The following PFKL variants were observed in gnomAD, a reference collection of about 807,000 sequenced individuals.
The protein encoded by PFKL is ATP-dependent 6-phosphofructokinase, liver type.
Under a neutral mutation model 92.1 loss-of-function variants are expected in PFKL, and 74 were observed. The observed-to-expected ratio is 0.80, with a 90% CI of 0.67 to 0.97. PFKL has a LOEUF of 0.97. Ranked by LOEUF, PFKL falls within the 50% of genes least tolerant of loss-of-function variation. PFKL has a pLI of 0.00. For synonymous variants in PFKL, 494 were observed against 456.4 expected (o/e 1.08, Z -1.05); for missense variants, 1,028 against 1,116.6 (o/e 0.92, Z 1.13).
At chr21:44,309,632 C>T (rs1158775329) in intron 2 of PFKL, among the ~76,000 whole-genome samples, 1 of 152,134 alleles carries the variant, frequency 6.6e-6, no homozygotes, top group Non-Finnish European at 1.5e-5. Flanking sequence ...GGCGCCTGGG[C>T]TCTGTATTGG....
At chr21:44,314,301 T>A in intron 7 of PFKL, 1 of 431,086 alleles carries the variant, frequency 2.3e-6, no homozygotes, top group Non-Finnish European at 4.2e-6. Context: ...GGGAGCTTGG[T>A]GAGGCTGCTT....
intron 1 of PFKL, chr21:44,305,873 G>C (rs1231865936): frequency 7.3e-7 from 1 of 1,365,912 alleles, no homozygotes; most frequent in East Asian, 4.6e-5. Flanking sequence ...CGAGGGCAAG[G>C]GGACAGGAAA....
intron 14 of PFKL, 66 bp downstream of exon 14, chr21:44,322,269 T>C (rs938789204): frequency 1.6e-5 from 23 of 1,473,274 alleles, no homozygotes; most frequent in Non-Finnish European, 2.0e-5. Context: ...GCCCTGCAGG[T>C]GGGGGCGGCA....
At chr21:44,325,917 G>A (rs1361323951) in intron 19 of PFKL, 44 bp from the exon 20 acceptor site, 2 of 1,499,366 alleles carry the variant, frequency 1.3e-6, no homozygotes. Context: ...CTTGGCCCAG[G>A]CAGCCCAGGG....
intron 1 of PFKL, chr21:44,305,776 TC>T: frequency 7.3e-7 from 1 of 1,365,574 alleles, no homozygotes; most frequent in Non-Finnish European, 9.8e-7. Flanking sequence ...GAGTGCCGCC[TC>T]CCCCGTTAAT....
chr21:44,317,237 G>A lies in PFKL; in HGVS notation c.936+713G>A, dbSNP rs533027468. ...CAGGGCCAGAGACTGTCAGACAGGTGGGACTTGTGCTGAGGGAGACCAGGT... is the reference window on the plus strand; with the variant it reads ...CAGGGCCAGAGACTGTCAGACAGGTAGGACTTGTGCTGAGGGAGACCAGGT... On this transcript the variant is annotated intron_variant, in intron 9 of 21. Coordinates refer to ENST00000349048, the MANE Select transcript of PFKL (RefSeq NM_002626.6). Among the ~76,000 whole-genome samples, 7 of 152,340 alleles carry A rather than the reference G, an allele frequency of 4.6e-5. No individual in the cohort carries two copies. In the East Asian group the frequency reaches 1.3e-3, roughly 29 times the overall value.
At chr21:44,316,666 G>A (rs2047216188) in intron 9 of PFKL, 142 bp downstream of exon 9, 2 of 653,666 alleles carry the variant, frequency 3.1e-6, no homozygotes, top group East Asian at 2.8e-5. Context: ...GTGTGTGGGG[G>A]TGTATGTGTG....
Position 44,312,197 on chromosome 21 carries a change from C to G in PFKL, c.330C>G (p.Ile110Met). Residue 110 changes from isoleucine (I) to methionine (M), a missense_variant, in exon 4 of 22, where the codon ATC (isoleucine) becomes ATG (methionine). Physicochemically the swap from Ile to Met is conservative, Grantham distance 10. Transcript: ENST00000349048. ...CCTACAACCTGGTCCAGCACGGCAT[C>G]ACCAACCTGTGCGTCATCGGCGGGG... ...AAAYNLVQHG[I>M]TNLCVIGGDG... 1 of 1,606,910 alleles carries G rather than the reference C, an allele frequency of 6.2e-7. No individual in the cohort carries two copies. Among genetic ancestry groups the G allele is most frequent in the Non-Finnish European group, 8.5e-7 (1 of 1,177,264 alleles).
At chr21:44,321,416 T>A in intron 12 of PFKL, 1 of 140,830 alleles carries the variant, frequency 7.1e-6, no homozygotes, top group East Asian at 2.5e-4. Context: ...GCCAGCCCCT[T>A]GTGTGGGCAC....
At position 44,323,858 on chromosome 21, in the gene PFKL, C is replaced by T; in HGVS notation, c.1590C>T (p.Asn530=). The T allele has an allele frequency of 1.9e-6, 3 of 1,613,608 alleles. No homozygotes were observed. The highest frequency in any genetic ancestry group is 2.2e-5 in the South Asian group (2 of 91,086). ...GTGTCATCCCAGCCACCATCAGCAA[C>T]AACGTCCCTGGCACCGACTTCAGCC... ...VMCVIPATIS[N]NVPGTDFSLG... is the part of the protein sequence containing the mutation. Residue 530 remains asparagine, a synonymous_variant, in exon 16 of 22, where the codon AAC becomes AAT. Transcript: ENST00000349048.
chr21:44,308,275 T>A (rs2041010294), intron 2 of PFKL, among the ~76,000 whole-genome samples: 1 of 152,186 alleles, frequency 6.6e-6, no homozygotes, highest in Non-Finnish European at 1.5e-5. Flanking sequence ...GAGGCAAGGC[T>A]GAGAGCTTCC....
chr21:44,325,095 G>A (rs1290944709), intron 18 of PFKL, 58 bp from the exon 19 acceptor site: 35 of 1,341,276 alleles, frequency 2.6e-5, no homozygotes, highest in Non-Finnish European at 3.5e-5. Flanking sequence ...CGGGGACTCA[G>A]GATCGGGGGG....
At chr21:44,312,026 C>T in intron 3 of PFKL, 79 bp from the exon 4 acceptor site, 3 of 1,210,874 alleles carry the variant, frequency 2.5e-6, no homozygotes, top group Non-Finnish European at 3.3e-6. Flanking sequence ...GCTGCCCAGT[C>T]CTGGGGTCCC....
intron 8 of PFKL, 21 bp downstream of exon 8, chr21:44,316,360 G>T: frequency 6.2e-7 from 1 of 1,612,174 alleles, no homozygotes; most frequent in Non-Finnish European, 8.5e-7. Context: ...GCCTGGGGGT[G>T]GCCACTGGGC....
At chr21:44,305,181 C>T (rs34642010) in intron 1 of PFKL, 391,278 of 1,160,350 alleles carry the variant, frequency 0.34, 68,297 homozygotes, top group East Asian at 0.59. Flanking sequence ...TCATTGGATT[C>T]CTGTAGTGTG....
At position 44,324,202 on chromosome 21, in the gene PFKL, C is replaced by T. The variant is rs566254013; in HGVS notation, c.1650+284C>T. On this transcript the variant is annotated intron_variant, in intron 16 of 21. Coordinates refer to ENST00000349048, the MANE Select transcript of PFKL (RefSeq NM_002626.6). ...CCAGTGCTGGGTAGTCTAAGAGCAG[C>T]GCCTGGCCTCTGTCCAAGGGTGCCA... Among the ~76,000 whole-genome samples the T allele has an allele frequency of 8.5e-5, 13 of 152,230 alleles. No homozygotes were observed. The South Asian group carries it at 1.5e-3, about 17-fold the overall frequency.
intron 1 of PFKL, 59 bp from the exon 2 acceptor site, chr21:44,306,622 G>GGT (rs1555875639): frequency 2.7e-6 from 4 of 1,477,680 alleles, no homozygotes; most frequent in African/African-American, 2.8e-5. Flanking sequence ...GAGATGGGGA[G>GGT]GGTGTCCAGG....
chr21:44,305,375 T>C (rs565079686), intron 1 of PFKL: 2 of 1,365,092 alleles, frequency 1.5e-6, no homozygotes, highest in East Asian at 4.6e-5. Context: ...GGGGTCTCCA[T>C]GTTCAAGGGA....
intron 15 of PFKL, among the ~76,000 whole-genome samples, chr21:44,323,459 C>T (rs1449147573): frequency 2.0e-5 from 3 of 152,144 alleles, no homozygotes; most frequent in Non-Finnish European, 4.4e-5. Context: ...GGCAAGCTGT[C>T]ACTAAATAAT....
Sources: allele counts gnomAD v4.1 joint callset (sites outside exome capture counted in the v4.1 genomes callset), GRCh38; gene constraint gnomAD v4.1.1; transcripts MANE v1.5; gene names NCBI Gene and HGNC (gene_info 2026-07-23, HGNC 2026-07-21).